DIP2C: variants seen among roughly 807,000 people sequenced by gnomAD.
DIP2C encodes DIP2 acetate--CoA ligase C (putative), also known as disco-interacting protein 2 homolog C.
In DIP2C, 33 loss-of-function variants were observed where a neutral mutation model predicts 192.4. That is an observed-to-expected ratio of 0.17 (90% CI 0.13 to 0.23). The LOEUF is 0.23. Ranked by LOEUF, DIP2C falls within the 10% of genes least tolerant of loss-of-function variation. The pLI, the probability that DIP2C is intolerant of heterozygous loss-of-function variation, is 1.00. For synonymous variants in DIP2C, 979 were observed against 864.1 expected, an observed-to-expected ratio of 1.13 and a Z score of -2.33; for missense variants, 1,537 against 2,110.1, an observed-to-expected ratio of 0.73 and a Z score of 5.32.
At chr10:517,829 G>T (rs543735255) in intron 1 of DIP2C, among the ~76,000 whole-genome samples, 1 of 152,230 alleles carries the variant, frequency 6.6e-6, no homozygotes, top group East Asian at 1.9e-4. Context: ...TTTCTCATCT[G>T]GTGCTTTTTA....
chr10:560,653 A>AT lies in DIP2C; in HGVS notation c.86-74124dup, dbSNP rs1215300747. Among the ~76,000 whole-genome samples the AT allele has an allele frequency of 5.9e-5, 9 of 152,320 alleles. No homozygotes were observed. The South Asian group carries it at 8.3e-4, about 14-fold the overall frequency. ...AAATTAATCTGCTAATAAAATATTA[A>AT]TTACCACACGGGCTATCATCCACAG... On this transcript the variant is annotated intron_variant, in intron 1 of 36. Transcript: ENST00000280886.
At chr10:440,759 T>C (rs1967659108) in intron 4 of DIP2C, 112 bp downstream of exon 4, 1 of 1,447,112 alleles carries the variant, frequency 6.9e-7, no homozygotes, top group African/African-American at 1.4e-5. Flanking sequence ...GTTCACAAAA[T>C]CTGCATTACT....
chr10:646,612 G>A (rs567415548), intron 1 of DIP2C, among the ~76,000 whole-genome samples: 1 of 152,304 alleles, frequency 6.6e-6, no homozygotes, highest in South Asian at 2.1e-4. Flanking sequence ...TATAACACTT[G>A]GCTATAACGT....
At chr10:350,309 A>G (rs1958729266) in intron 24 of DIP2C, among the ~76,000 whole-genome samples, 1 of 152,024 alleles carries the variant, frequency 6.6e-6, no homozygotes, top group African/African-American at 2.4e-5. Flanking sequence ...CTGGTCTCAA[A>G]CTCGTGGCCT....
intron 1 of DIP2C, among the ~76,000 whole-genome samples, chr10:504,585 G>A (rs1053604255): frequency 6.6e-6 from 1 of 151,884 alleles, no homozygotes; most frequent in South Asian, 2.1e-4. Flanking sequence ...AAGCACCCAC[G>A]GCTCCATGAC....
At chr10:584,641 C>T (rs1850891278) in intron 1 of DIP2C, among the ~76,000 whole-genome samples, 1 of 111,636 alleles carries the variant, frequency 9.0e-6, no homozygotes, top group Non-Finnish European at 1.8e-5. Context: ...CACTCACGCG[C>T]ATCACCTCTC....
intron 10 of DIP2C, among the ~76,000 whole-genome samples, chr10:395,644 T>G (rs1963929300): frequency 6.7e-6 from 1 of 149,962 alleles, no homozygotes; most frequent in South Asian, 2.2e-4. Context: ...CTGAGGCATC[T>G]GTAGGCAAAG....
At chr10:497,815 C>T (rs547260075) in intron 1 of DIP2C, among the ~76,000 whole-genome samples, 8 of 152,200 alleles carry the variant, frequency 5.3e-5, no homozygotes, top group East Asian at 1.9e-4. Context: ...AAAATGCAAG[C>T]GCCAAAAAAA....
intron 10 of DIP2C, among the ~76,000 whole-genome samples, chr10:398,121 G>A (rs1042240647): frequency 9.2e-5 from 14 of 152,130 alleles, no homozygotes; most frequent in Non-Finnish European, 1.6e-4. Context: ...TCTCTTGTGG[G>A]GAAAATCTAC....
chr10:363,231 T>A lies in DIP2C; in HGVS notation c.2558A>T (p.Glu853Val). The change falls in exon 21 of 37, where the codon GAG becomes GTG. Residue 853 changes from glutamate (E) to valine (V), a missense_variant. Transcript: ENST00000280886. The surrounding 1 kb of genome is among the most constrained non-coding windows in gnomAD (Gnocchi z 5.4). The stretch of plus-strand genomic sequence containing the variant: ...ACGGCTCATCCACTGGAAACTGTCC[T>A]CTTCCGTGGAGTCAGGCCTCTGCTC... ...VAEQRPDSTE[E>V]DSFQWMSRVL... 6.2e-7 allele frequency: 1 copy of A among 1,613,644 alleles called. No individual in the cohort carries two copies. The highest frequency in any genetic ancestry group is 8.5e-7 in the Non-Finnish European group (1 of 1,179,996).
chr10:503,742 T>C (rs1242503195), intron 1 of DIP2C, among the ~76,000 whole-genome samples: 1 of 152,220 alleles, frequency 6.6e-6, no homozygotes, highest in African/African-American at 2.4e-5. Flanking sequence ...ATATGCACAC[T>C]GAGGTCTGCA....
chr10:435,072 ACTT>A lies in DIP2C; in HGVS notation c.394+5796_394+5798del, dbSNP rs532632841. 1.3e-3 allele frequency among the ~76,000 whole-genome samples: 201 copies of A among 152,282 alleles called. 2 individuals are homozygous for A. The highest frequency in any genetic ancestry group is 4.5e-3 in the African/African-American group (189 of 41,556). On this transcript the variant is annotated intron_variant, in intron 4 of 36. Coordinates refer to ENST00000280886, the MANE Select transcript of DIP2C (RefSeq NM_014974.3). ...AAATTCAGCCATTAATGTTAAAAATACTTCTTCTGTTCCTCATTCTTCTCCTTG... is the reference window on the plus strand; with the variant it reads ...AAATTCAGCCATTAATGTTAAAAATACTTCTGTTCCTCATTCTTCTCCTTG...
chr10:604,465 C>G (rs1458053573), intron 1 of DIP2C, among the ~76,000 whole-genome samples: 3 of 152,164 alleles, frequency 2.0e-5, no homozygotes, highest in African/African-American at 7.2e-5. Flanking sequence ...TCGGAGAGGC[C>G]AAGCAATAAG....
chr10:384,652 A>G lies in DIP2C; in HGVS notation c.1663-13T>C, dbSNP rs770490505. On this transcript the variant is annotated splice_polypyrimidine_tract_variant and intron_variant, in intron 14 of 36. Coordinates refer to ENST00000280886, the MANE Select transcript of DIP2C (RefSeq NM_014974.3). ...TGTTCATGACGCTCTGCAATCAACA[A>G]AGGAACACGCAGGGTGAGCATGGAG... 11 of 1,613,258 alleles carry G rather than the reference A, an allele frequency of 6.8e-6. No individual in the cohort carries two copies.
At chr10:288,272 C>A in intron 33 of DIP2C, 92 bp downstream of exon 33, 1 of 1,252,248 alleles carries the variant, frequency 8.0e-7, no homozygotes, top group Non-Finnish European at 1.1e-6. Flanking sequence ...TTGGAAAAAA[C>A]ATTCTAAAAA....
At chr10:438,516 G>T (rs537364553) in intron 4 of DIP2C, among the ~76,000 whole-genome samples, 1 of 151,780 alleles carries the variant, frequency 6.6e-6, no homozygotes, top group Non-Finnish European at 1.5e-5. Flanking sequence ...TTGAGATAGG[G>T]TCTTCCTCTG....
intron 4 of DIP2C, among the ~76,000 whole-genome samples, chr10:435,754 G>A (rs138524729): frequency 6.6e-6 from 1 of 152,178 alleles, no homozygotes; most frequent in Non-Finnish European, 1.5e-5. Context: ...CAACTCCATT[G>A]TAATAAAAAG....
chr10:446,292 T>C (rs1968203957), intron 3 of DIP2C, among the ~76,000 whole-genome samples: 2 of 152,166 alleles, frequency 1.3e-5, no homozygotes, highest in Admixed American at 6.5e-5. Context: ...TGGGCATCTA[T>C]ATACATCTGT....
At chr10:450,088 A>C (rs1314559181) in intron 3 of DIP2C, among the ~76,000 whole-genome samples, 1 of 152,182 alleles carries the variant, frequency 6.6e-6, no homozygotes, top group Non-Finnish European at 1.5e-5. Flanking sequence ...TGATTCACGG[A>C]CGTTTCTGAA....
Sources: allele counts gnomAD v4.1 joint callset (sites outside exome capture counted in the v4.1 genomes callset), GRCh38; gene constraint gnomAD v4.1.1; non-coding constraint Gnocchi (gnomAD v3.1); transcripts MANE v1.5; gene names NCBI Gene and HGNC (gene_info 2026-07-23, HGNC 2026-07-21).